The following USP5 variants were observed in gnomAD, a reference collection of about 807,000 sequenced individuals.
The protein encoded by USP5 is ubiquitin carboxyl-terminal hydrolase 5.
In USP5, 24 loss-of-function variants were observed where a neutral mutation model predicts 102.5. That is an observed-to-expected ratio of 0.23 (90% confidence interval 0.17 to 0.33). The LOEUF (loss-of-function observed/expected upper bound fraction) is 0.33. USP5 is among the 10% of genes least tolerant of loss of function. The pLI is 1.00. For missense variants in USP5, 753 were observed against 1,122.1 expected (o/e 0.67, Z 4.70); for synonymous variants, 460 against 434.8 (o/e 1.06, Z -0.72).
chr12:6,865,462 T>C (rs1555130639), intron 19 of USP5, among the ~76,000 whole-genome samples: 1 of 152,108 alleles, frequency 6.6e-6, no homozygotes, highest in Non-Finnish European at 1.5e-5. Flanking sequence ...GGGATCTCAC[T>C]ATGTTGCCCA....
chr12:6,853,663 A>G (rs1313867687), intron 1 of USP5, among the ~76,000 whole-genome samples: 1 of 152,184 alleles, frequency 6.6e-6, no homozygotes, highest in Non-Finnish European at 1.5e-5. Context: ...GAATAATCCA[A>G]AAAGGGTTTT....
rs1944266717 is a variant in USP5, at chr12:6,861,174, C to A, written c.1498+68C>A. On this transcript the variant is annotated intron_variant, in intron 12 of 19. Transcript: ENST00000229268. The surrounding 1 kb of genome is among the most constrained non-coding windows in gnomAD (Gnocchi z 4.9). ...AAGGTCTAGGAGGAATGCTTGGGCA[C>A]CTCATGGGAGCACAGCCCAGGGAAT... 1.1e-5 allele frequency: 17 copies of A among 1,590,066 alleles called. No homozygotes were observed. The highest frequency in any genetic ancestry group is 1.5e-5 in the Non-Finnish European group (17 of 1,167,552).
rs781964611 is a variant in USP5 at position 6,861,508 on chromosome 12, C to G, written c.1564C>G (p.Leu522Val). The G allele has an allele frequency of 6.2e-7, 1 of 1,601,328 alleles. No individual in the cohort carries two copies. The highest frequency in any genetic ancestry group is 8.5e-7 in the Non-Finnish European group (1 of 1,169,802). ...AGAGGAGAAGATGGCACTGCCAGAA[C>G]TGGTTCGGGCCCAGGTGCCCTTCAG... Reference protein sequence around the residue: ...AEEEKMALPELVRAQVPFSSC... With the variant: ...AEEEKMALPEVVRAQVPFSSC... Residue 522 changes from leucine to valine, a missense_variant, in exon 13 of 20, where the codon CTG becomes GTG. Physicochemically the swap from Leu to Val is conservative, Grantham distance 32. This residue lies in a region of USP5 where 527 missense variants were observed against 816.5 expected (regional missense o/e 0.65). Coordinates refer to ENST00000229268, the MANE Select transcript of USP5 (RefSeq NM_001098536.2). This position sits in a 1 kb window ranked among gnomAD's most constrained non-coding sequence, Gnocchi z 4.9.
At position 6,865,125 on chromosome 12, in the gene USP5, C is replaced by A. The variant is rs782378659; in HGVS notation, c.2399-39C>A. On this transcript the variant is annotated intron_variant, in intron 18 of 19. Coordinates refer to ENST00000229268, the MANE Select transcript of USP5 (RefSeq NM_001098536.2). The stretch of plus-strand genomic sequence containing the variant: ...TTTGGGCCATCACTCAAGCATTCCT[C>A]TTCTGTTTCCTTCTCTGACCCCCTC... 1.9e-6 allele frequency: 3 copies of A among 1,555,090 alleles called. No homozygotes were observed. The African/African-American group carries it at 4.1e-5, about 21-fold the overall frequency.
In USP5 at chr12:6,861,015, C is replaced by G; in HGVS notation, c.1407C>G (p.Ile469Met). The change falls in exon 12 of 20, where the codon ATC becomes ATG. Residue 469 changes from isoleucine (I) to methionine (M), a missense_variant. Ile to Met is a conservative substitution (Grantham distance 10). Around this residue, in one of 3 missense-constraint regions of USP5, gnomAD observed 527 missense variants for 816.5 expected, o/e 0.65. Coordinates refer to ENST00000229268, the MANE Select transcript of USP5 (RefSeq NM_001098536.2). This position sits in a 1 kb window ranked among gnomAD's most constrained non-coding sequence, Gnocchi z 4.9. Reference protein sequence around the residue: ...EVFRFLVEEKIKCLATEKVKY... With the variant: ...EVFRFLVEEKMKCLATEKVKY... ...TCCGCTTCTTGGTGGAGGAAAAGATCAAGTGCCTGGCCACAGAGAAGGTGA... is the reference window on the plus strand; with the variant it reads ...TCCGCTTCTTGGTGGAGGAAAAGATGAAGTGCCTGGCCACAGAGAAGGTGA... 1 of 1,614,224 alleles carries G rather than the reference C, an allele frequency of 6.2e-7. No individual in the cohort carries two copies. Among genetic ancestry groups the G allele is most frequent in the African/African-American group, 1.3e-5 (1 of 75,050 alleles).
At position 6,864,569 on chromosome 12, in the gene USP5, G is replaced by A. The variant is rs782205180; in HGVS notation, c.2245-153G>A. On this transcript the variant is annotated intron_variant, in intron 17 of 19. Coordinates refer to ENST00000229268, the MANE Select transcript of USP5 (RefSeq NM_001098536.2). This position sits in a 1 kb window ranked among gnomAD's most constrained non-coding sequence, Gnocchi z 4.8. ...CCAAGCGTGGTGGTGGGCGTCTGTA[G>A]TCCCAGCTACTTGGGAGGCTGAGGC... is the stretch of plus-strand genomic sequence containing the variant. Among the ~76,000 whole-genome samples the A allele has an allele frequency of 2.6e-5, 4 of 152,282 alleles. No individual in the cohort carries two copies. Among genetic ancestry groups the A allele is most frequent in the South Asian group, 4.1e-4 (2 of 4,826 alleles).
intron 1 of USP5, among the ~76,000 whole-genome samples, chr12:6,854,205 G>A (rs1944040946): frequency 6.6e-6 from 1 of 152,214 alleles, no homozygotes; most frequent in Non-Finnish European, 1.5e-5. Context: ...CGAGATTGTT[G>A]TCAGAACGGG....
rs967792448 is a variant in USP5, at chr12:6,864,352, C to T, written c.2244+157C>T. Among the ~76,000 whole-genome samples, 1 of 152,174 alleles carries T rather than the reference C, an allele frequency of 6.6e-6. No individual in the cohort carries two copies. On this transcript the variant is annotated intron_variant, in intron 17 of 19. Transcript: ENST00000229268. This position sits in a 1 kb window ranked among gnomAD's most constrained non-coding sequence, Gnocchi z 4.8. ...GCTGCGATGAAGGAGCTGAAGCCTG[C>T]GTTCACTGCTGGGTTTTTTGCCCCA...
chr12:6,864,452 G>T lies in USP5; in HGVS notation c.2244+257G>T, dbSNP rs1398060587. ...CGCCTGTAATCCCAGCACTTTGGGAGGGTGAGGTGGGCGGATCACGCGGTC... is the reference window on the plus strand; with the variant it reads ...CGCCTGTAATCCCAGCACTTTGGGATGGTGAGGTGGGCGGATCACGCGGTC... On this transcript the variant is annotated intron_variant, in intron 17 of 19. Coordinates refer to ENST00000229268, the MANE Select transcript of USP5 (RefSeq NM_001098536.2). This position sits in a 1 kb window ranked among gnomAD's most constrained non-coding sequence, Gnocchi z 4.8. Among the ~76,000 whole-genome samples, 1 of 152,242 alleles carries T rather than the reference G, an allele frequency of 6.6e-6. No homozygotes were observed. Among genetic ancestry groups the T allele is most frequent in the Non-Finnish European group, 1.5e-5 (1 of 68,044 alleles).
rs782551304 is a variant in USP5 at position 6,857,702 on chromosome 12, C to T, written c.843C>T (p.Ile281=). The T allele has an allele frequency of 2.9e-5, 47 of 1,614,110 alleles. No homozygotes were observed. Among genetic ancestry groups the T allele is most frequent in the Non-Finnish European group, 3.5e-5 (41 of 1,180,032 alleles). ...SLAEHLSHFG[I]DMLKMQKTDK... is the part of the protein sequence containing the mutation. ...CTGAGCACCTGTCCCACTTCGGCATCGACATGCTGAAGATGCAGAAGGTGA... is the reference window on the plus strand; with the variant it reads ...CTGAGCACCTGTCCCACTTCGGCATTGACATGCTGAAGATGCAGAAGGTGA... The change falls in exon 7 of 20, where the codon ATC becomes ATT. Residue 281 remains isoleucine, a synonymous_variant. Coordinates refer to ENST00000229268, the MANE Select transcript of USP5 (RefSeq NM_001098536.2).
At position 6,864,841 on chromosome 12, in the gene USP5, G is replaced by A. The variant is rs782547141; in HGVS notation, c.2364G>A (p.Val788=). The change falls in exon 18 of 20, where the codon GTG becomes GTA. Residue 788 remains valine (V), a synonymous_variant. Transcript: ENST00000229268. The surrounding 1 kb of genome is among the most constrained non-coding windows in gnomAD (Gnocchi z 4.8). ...RSAADSISES[V]PVGPKVRDGP... is the part of the protein sequence containing the mutation. ...CTGCCGACTCCATCTCTGAGTCTGTGCCAGTGGGACCTAAAGTCCGGGATG... is the reference window on the plus strand; with the variant it reads ...CTGCCGACTCCATCTCTGAGTCTGTACCAGTGGGACCTAAAGTCCGGGATG... The A allele has an allele frequency of 1.2e-6, 2 of 1,613,888 alleles. No homozygotes were observed. The highest frequency in any genetic ancestry group is 1.7e-6 in the Non-Finnish European group (2 of 1,180,026).
Position 6,856,665 on chromosome 12 carries a change from C to G in USP5, c.585-42C>G. The G allele has an allele frequency of 6.2e-7, 1 of 1,607,452 alleles. No homozygotes were observed. Among genetic ancestry groups the G allele is most frequent in the Non-Finnish European group, 8.5e-7 (1 of 1,177,174 alleles). ...CTCTCTCTCTGCCACTCCCTCAAAT[C>G]CCCGACCCACATTTCTGCTGATTCT... is the stretch of plus-strand genomic sequence containing the variant. On this transcript the variant is annotated intron_variant, in intron 5 of 19. Coordinates refer to ENST00000229268, the MANE Select transcript of USP5 (RefSeq NM_001098536.2). The surrounding 1 kb of genome is among the most constrained non-coding windows in gnomAD (Gnocchi z 5.6).
At chr12:6,857,797 A>T (rs1440669123) in intron 7 of USP5, 74 bp downstream of exon 7, 7 of 1,489,430 alleles carry the variant, frequency 4.7e-6, no homozygotes, top group Non-Finnish European at 6.5e-6. Context: ...CCTGAGGCTG[A>T]GGTAGGGTTT....
chr12:6,852,720 TG>T (rs1189278270), intron 1 of USP5, among the ~76,000 whole-genome samples: 1 of 151,518 alleles, frequency 6.6e-6, no homozygotes, highest in Non-Finnish European at 1.5e-5. Context: ...GGGTTGGAGT[TG>T]GGGGGTGGGG....
chr12:6,860,416 G>A lies in USP5; in HGVS notation c.1269G>A (p.Lys423=), dbSNP rs1555129276. The change falls in exon 11 of 20, where the codon AAG becomes AAA. Residue 423 remains lysine (K), a synonymous_variant. Coordinates refer to ENST00000229268, the MANE Select transcript of USP5 (RefSeq NM_001098536.2). The surrounding 1 kb of genome is among the most constrained non-coding windows in gnomAD (Gnocchi z 5.5). ...GGATGTTCAAGGCCCTCATCGGCAA[G>A]GGCCACCCTGAATTCTCCACCAACC... ...APRMFKALIG[K]GHPEFSTNRQ... The A allele has an allele frequency of 6.2e-7, 1 of 1,614,146 alleles. No homozygotes were observed. Among genetic ancestry groups the A allele is most frequent in the Admixed American group, 1.7e-5 (1 of 60,022 alleles).
chr12:6,860,387 C>T lies in USP5; in HGVS notation c.1240C>T (p.Pro414Ser). Reference protein sequence around the residue: ...EQKEVQDGIAPRMFKALIGKG... With the variant: ...EQKEVQDGIASRMFKALIGKG... ...CCAGGAAGTTCAAGATGGCATTGCC[C>T]CTCGGATGTTCAAGGCCCTCATCGG... Residue 414 changes from proline to serine, a missense_variant, in exon 11 of 20, where the codon CCT (proline) becomes TCT (serine). Physicochemically the swap from Pro to Ser is moderately conservative, Grantham distance 74 (BLOSUM62 -1). Around this residue, in one of 3 missense-constraint regions of USP5, gnomAD observed 527 missense variants for 816.5 expected, o/e 0.65. Transcript: ENST00000229268. This position sits in a 1 kb window ranked among gnomAD's most constrained non-coding sequence, Gnocchi z 5.5. 6.2e-7 allele frequency: 1 copy of T among 1,614,144 alleles called. No individual in the cohort carries two copies. Among genetic ancestry groups the T allele is most frequent in the Non-Finnish European group, 8.5e-7 (1 of 1,180,028 alleles).
In USP5 at chr12:6,858,855, CTT is replaced by C. The variant is rs1944192979; in HGVS notation, c.1058+239_1058+240del. 2.6e-6 allele frequency: 1 copy of C among 388,596 alleles called. No individual in the cohort carries two copies. Among genetic ancestry groups the C allele is most frequent in the African/African-American group, 2.0e-5 (1 of 49,158 alleles). The allele number at this position is 388,596 out of a possible 1,614,324, so 24.1% of individuals were successfully genotyped here. A position where few individuals can be genotyped will look rare whatever the true frequency, so the allele number is the denominator to read the frequency against. On this transcript the variant is annotated intron_variant, in intron 8 of 19. Coordinates refer to ENST00000229268, the MANE Select transcript of USP5 (RefSeq NM_001098536.2). The surrounding 1 kb of genome is among the most constrained non-coding windows in gnomAD (Gnocchi z 4.2). ...GCAACATAGCGAGACCCTGTCTTCT[CTT>C]AAAAAAAAAAAAGAATAATTCCTGT... is the stretch of plus-strand genomic sequence containing the variant.
At chr12:6,853,892 C>G (rs1480004380) in intron 1 of USP5, among the ~76,000 whole-genome samples, 2 of 152,206 alleles carry the variant, frequency 1.3e-5, no homozygotes, top group African/African-American at 4.8e-5. Flanking sequence ...TCTATGGGAC[C>G]AAGAACTACC....
At chr12:6,857,872 A>G in intron 7 of USP5, 149 bp downstream of exon 7, 1 of 709,518 alleles carries the variant, frequency 1.4e-6, no homozygotes, top group South Asian at 1.8e-5. Flanking sequence ...ATCTAAAATC[A>G]TTTATTCAGT....
Sources: gnomAD v4.1 joint callset for allele counts (sites outside exome capture counted in the v4.1 genomes callset) on GRCh38, gnomAD v4.1.1 for gene constraint, gnomAD v4.1.1 regional missense constraint, Gnocchi (gnomAD v3.1) non-coding constraint, MANE v1.5 for transcripts, NCBI Gene and HGNC (gene_info 2026-07-23, HGNC 2026-07-21) for gene names.